The following HMCN2 variants were observed in gnomAD, a reference collection of about 807,000 sequenced individuals.
HMCN2 encodes the protein hemicentin 2.
In HMCN2, 325 loss-of-function variants were observed where a neutral mutation model predicts 377.5. The observed-to-expected ratio is 0.86, with a 90% CI of 0.79 to 0.94. The LOEUF (loss-of-function observed/expected upper bound fraction) is 0.94, where lower values mean the gene tolerates loss of function less well. Ranked by LOEUF, HMCN2 falls within the 40% of genes least tolerant of loss-of-function variation. The probability of loss-of-function intolerance (pLI) is 0.00; values close to 1 mark genes in which losing one functional copy is unlikely to be tolerated. For synonymous variants in HMCN2, 2,007 were observed against 2,046.8 expected, an observed-to-expected ratio of 0.98 and a Z score of 0.53; for missense variants, 4,543 against 4,725.3, an observed-to-expected ratio of 0.96 and a Z score of 1.13.
Position 130,357,979 on chromosome 9 carries a change from G to A in HMCN2, c.5571G>A (p.Gly1857=), listed in dbSNP as rs745832854. 16 of 1,303,814 alleles carry A rather than the reference G, an allele frequency of 1.2e-5. No individual in the cohort carries two copies. In the African/African-American group the frequency reaches 1.8e-4, roughly 15 times the overall value. The allele number at this position is 1,303,814 out of a possible 1,614,324, so 80.8% of individuals were successfully genotyped here. The stretch of plus-strand genomic sequence containing the variant: ...GTGTAGCCCTGGCAGCCTTTGGGGG[G>A]AACCTACAGGTATGTGCAGGGGCCC... ...KDGVALAAFG[G]NLQIEKVDLR... is the part of the protein sequence containing the mutation. Residue 1857 remains glycine, a synonymous_variant, in exon 35 of 98, where the codon GGG becomes GGA. Coordinates refer to ENST00000683500, the MANE Select transcript of HMCN2 (RefSeq NM_001291815.2).
intron 25 of HMCN2, among the ~76,000 whole-genome samples, chr9:130,346,876 G>A (rs1297122300): frequency 6.6e-6 from 1 of 152,112 alleles, no homozygotes; most frequent in Non-Finnish European, 1.5e-5. Flanking sequence ...TAAATGAGGG[G>A]ACTGGGGACT....
At position 130,400,788 on chromosome 9, in the gene HMCN2, C is replaced by T. The variant is rs914670046; in HGVS notation, c.11611C>T (p.Pro3871Ser). ...AGCCTTGTCTTGGGTTTTAGTGCCTCCCACCATTGCCGATGACCAGACAGA... is the reference window on the plus strand; with the variant it reads ...AGCCTTGTCTTGGGTTTTAGTGCCTTCCACCATTGCCGATGACCAGACAGA... ...RLYQVTVHVP[P>S]TIADDQTDFT... is the part of the protein sequence containing the mutation. Residue 3871 changes from proline (P) to serine (S), a missense_variant, in exon 77 of 98, where the codon CCC (proline) becomes TCC (serine). Around this residue, in one of 5 missense-constraint regions of HMCN2, gnomAD observed 1,073 missense variants for 1,319.5 expected, o/e 0.81. Transcript: ENST00000683500. 2.2e-5 allele frequency: 28 copies of T among 1,286,048 alleles called. No homozygotes were observed. The African/African-American group carries it at 3.3e-4, about 15-fold the overall frequency. The allele number at this position is 1,286,048 out of a possible 1,614,324, so 79.7% of individuals were successfully genotyped here.
chr9:130,314,847 G>A (rs906622050), intron 15 of HMCN2, among the ~76,000 whole-genome samples: 2 of 152,254 alleles, frequency 1.3e-5, no homozygotes, highest in East Asian at 1.9e-4. Flanking sequence ...TAGAGTTACC[G>A]CCTTCCAGAT....
At position 130,410,579 on chromosome 9, in the gene HMCN2, T is replaced by C. The variant is rs1181052072; in HGVS notation, c.12888T>C (p.Asp4296=). The C allele has an allele frequency of 3.2e-6, 5 of 1,550,578 alleles. No homozygotes were observed. Among genetic ancestry groups the C allele is most frequent in the Non-Finnish European group, 3.5e-6 (4 of 1,146,994 alleles). Residue 4296 remains aspartate, a synonymous_variant, in exon 85 of 98, where the codon GAT becomes GAC. Coordinates refer to ENST00000683500, the MANE Select transcript of HMCN2 (RefSeq NM_001291815.2). The part of the protein sequence containing the change: ...SLTIRRTERD[D]AGRYQCLAEN... ...CCTGTGCCCACTTGCAGAGGGACGATGCGGGACGGTACCAGTGCCTGGCAG... is the reference window on the plus strand; with the variant it reads ...CCTGTGCCCACTTGCAGAGGGACGACGCGGGACGGTACCAGTGCCTGGCAG...
chr9:130,345,162 T>C (rs1162136359), intron 25 of HMCN2, among the ~76,000 whole-genome samples: 1 of 148,534 alleles, frequency 6.7e-6, no homozygotes. Flanking sequence ...GTATATTGTG[T>C]GTGGTGTGTG....
intron 22 of HMCN2, among the ~76,000 whole-genome samples, chr9:130,333,026 G>C (rs1025862844): frequency 1.3e-5 from 2 of 152,324 alleles, no homozygotes; most frequent in South Asian, 2.1e-4. Flanking sequence ...GGAAGGTCTG[G>C]GGGGAGGGAG....
At chr9:130,430,921 G>C (rs1203256115) in intron 95 of HMCN2, 1 of 405,850 alleles carries the variant, frequency 2.5e-6, no homozygotes, top group Non-Finnish European at 4.4e-6. Flanking sequence ...TTAGCACTCA[G>C]AGGGAAAGCA....
intron 22 of HMCN2, among the ~76,000 whole-genome samples, chr9:130,328,573 G>C (rs977110071): frequency 6.6e-6 from 1 of 151,786 alleles, no homozygotes; most frequent in Non-Finnish European, 1.5e-5. Flanking sequence ...TCTTCACTTC[G>C]TGCTGGCTTA....
chr9:130,369,689 C>T lies in HMCN2; in HGVS notation c.6907C>T (p.Arg2303Trp), dbSNP rs1241653167. ...ACCCCCTCCGACAGTGACATGGGAG[C>T]GGGACGGCCAGCCCGTGGGGGCTGA... ...GKPPPTVTWE[R>W]DGQPVGAELG... The change falls in exon 45 of 98, where the codon CGG becomes TGG. Residue 2303 changes from arginine to tryptophan, a missense_variant. Physicochemically the swap from Arg to Trp is moderately radical, Grantham distance 101. Around this residue, in one of 5 missense-constraint regions of HMCN2, gnomAD observed 1,032 missense variants for 1,285.1 expected, o/e 0.80. Transcript: ENST00000683500. This position sits in a 1 kb window ranked among gnomAD's most constrained non-coding sequence, Gnocchi z 4.5. 29 of 985,976 alleles carry T rather than the reference C, an allele frequency of 2.9e-5. No homozygotes were observed. The East Asian group carries it at 1.1e-3, about 39-fold the overall frequency. 61.1% of individuals were successfully genotyped at this position (985,976 alleles called of 1,614,324 possible).
chr9:130,353,989 G>A (rs367778560), intron 31 of HMCN2, among the ~76,000 whole-genome samples: 2 of 152,138 alleles, frequency 1.3e-5, no homozygotes, highest in East Asian at 1.9e-4. Context: ...CAGCTGAGCT[G>A]CATGGGCTCC....
intron 25 of HMCN2, among the ~76,000 whole-genome samples, chr9:130,344,739 G>GGT (rs1230321297): frequency 1.5e-4 from 23 of 149,722 alleles, no homozygotes; most frequent in Non-Finnish European, 3.0e-4. Context: ...GTGAATGTGT[G>GGT]GTGTGTGTGT....
At chr9:130,296,866 G>A (rs187823027) in intron 7 of HMCN2, 72 bp downstream of exon 7, 1 of 457,414 alleles carries the variant, frequency 2.2e-6, no homozygotes, top group South Asian at 1.6e-5. Context: ...TGGGAAGTAG[G>A]GGGGAGGTGT....
At chr9:130,364,050 G>A (rs1333587538) in intron 40 of HMCN2, among the ~76,000 whole-genome samples, 3 of 152,240 alleles carry the variant, frequency 2.0e-5, no homozygotes, top group African/African-American at 7.2e-5. Context: ...TGGGCGGGAG[G>A]TTATAGGAAG....
chr9:130,329,969 T>TC (rs1181118348), intron 22 of HMCN2, among the ~76,000 whole-genome samples: 2 of 122,978 alleles, frequency 1.6e-5, no homozygotes, highest in Non-Finnish European at 3.4e-5. Flanking sequence ...CCTCCTCCCC[T>TC]CCCCCCCTTC....
Position 130,433,475 on chromosome 9 carries a change from G to C in HMCN2, c.15022G>C (p.Glu5008Gln), listed in dbSNP as rs1387318589. 1 of 1,499,590 alleles carries C rather than the reference G, an allele frequency of 6.7e-7. No individual in the cohort carries two copies. The highest frequency in any genetic ancestry group is 2.2e-5 in the Admixed American group (1 of 46,404). 92.9% of individuals were successfully genotyped at this position (1,499,590 alleles called of 1,614,324 possible). The part of the protein sequence containing the change: ...HDVARLTAFS[E>Q]VGVPANRTEL... ...CGTGGCCCGCCTCACCGCCTTCTCC[G>C]AGGTCGGCGTCCCCGCCAACCGCAC... is the stretch of plus-strand genomic sequence containing the variant. Residue 5008 changes from glutamate (E) to glutamine (Q), a missense_variant, in exon 98 of 98, where the codon GAG becomes CAG. Physicochemically the swap from Glu to Gln is conservative, Grantham distance 29. This residue lies in a region of HMCN2 where 1,155 missense variants were observed against 1,157.7 expected (regional missense o/e 1.00). Coordinates refer to ENST00000683500, the MANE Select transcript of HMCN2 (RefSeq NM_001291815.2).
At chr9:130,288,945 A>G (rs1835572590) in intron 4 of HMCN2, among the ~76,000 whole-genome samples, 1 of 152,176 alleles carries the variant, frequency 6.6e-6, no homozygotes, top group Non-Finnish European at 1.5e-5. Context: ...ACCTGCCCCA[A>G]AGGTGTGCAT....
At position 130,386,520 on chromosome 9, in the gene HMCN2, C is replaced by T; in HGVS notation, c.9387C>T (p.Val3129=). The T allele has an allele frequency of 2.3e-6, 3 of 1,302,622 alleles. No individual in the cohort carries two copies. The highest frequency in any genetic ancestry group is 3.0e-6 in the Non-Finnish European group (3 of 988,592). The allele number at this position is 1,302,622 out of a possible 1,614,324, so 80.7% of individuals were successfully genotyped here. Reference sequence around the variant, plus strand: ...CCGTGCGGACCTTCACCCTCACCGTCCAGGGTAAGCCAGGGACCAGCCTAG... The same window carrying T: ...CCGTGCGGACCTTCACCCTCACCGTTCAGGGTAAGCCAGGGACCAGCCTAG... ...GEAVRTFTLT[V]QVPPTFENPK... is the part of the protein sequence containing the mutation. Residue 3129 remains valine, a synonymous_variant, in exon 61 of 98, where the codon GTC becomes GTT. Coordinates refer to ENST00000683500, the MANE Select transcript of HMCN2 (RefSeq NM_001291815.2).
At chr9:130,359,665 C>T (rs1048375814) in intron 37 of HMCN2, among the ~76,000 whole-genome samples, 9 of 152,146 alleles carry the variant, frequency 5.9e-5, no homozygotes, top group Non-Finnish European at 1.2e-4. Context: ...CAGGGCTGTC[C>T]GGGGCTAGGG....
Position 130,353,125 on chromosome 9 carries a change from G to T in HMCN2, c.4784G>T (p.Ser1595Ile). 1 of 1,304,236 alleles carries T rather than the reference G, an allele frequency of 7.7e-7. No homozygotes were observed. Among genetic ancestry groups the T allele is most frequent in the Non-Finnish European group, 1.0e-6 (1 of 988,940 alleles). The allele number at this position is 1,304,236 out of a possible 1,614,324, so 80.8% of individuals were successfully genotyped here. ...CAGTTGCAGCTGGGGAGGGCCCAGAGCTCCGATGCCGGCGTCTACACCTGC... is the reference window on the plus strand; with the variant it reads ...CAGTTGCAGCTGGGGAGGGCCCAGATCTCCGATGCCGGCGTCTACACCTGC... ...GRQLQLGRAQSSDAGVYTCKA... is the reference protein window; with the variant it reads ...GRQLQLGRAQISDAGVYTCKA... The change falls in exon 31 of 98, where the codon AGC (serine) becomes ATC (isoleucine). Residue 1595 changes from serine (S) to isoleucine (I), a missense_variant. Physicochemically the swap from Ser to Ile is moderately radical, Grantham distance 142. Transcript: ENST00000683500.
Sources: allele counts gnomAD v4.1 joint callset (sites outside exome capture counted in the v4.1 genomes callset), GRCh38; gene constraint gnomAD v4.1.1; regional missense constraint gnomAD v4.1.1; non-coding constraint Gnocchi (gnomAD v3.1); transcripts MANE v1.5; gene names NCBI Gene and HGNC (gene_info 2026-07-23, HGNC 2026-07-21).